Variants in CDK2 observed in about 807,000 individuals in gnomAD.
The protein encoded by CDK2 is cyclin-dependent kinase 2.
In CDK2, 8 loss-of-function variants were observed where a neutral mutation model predicts 35.0. The observed-to-expected ratio is 0.23, with a 90% CI of 0.13 to 0.41. The LOEUF (loss-of-function observed/expected upper bound fraction) is 0.41. Among genes scored for constraint, CDK2 ranks in the 10% least tolerant of loss-of-function variants. The pLI is 1.00. For missense variants in CDK2, 201 were observed against 367.1 expected, an observed-to-expected ratio of 0.55 and a Z score of 3.70; for synonymous variants, 134 against 137.7, an observed-to-expected ratio of 0.97 and a Z score of 0.19.
Position 55,972,783 on chromosome 12 carries a change from T to G in CDK2, c.*1158T>G. ...CATTAAAAAAATGTGCCTAGTTTTA[T>G]AGTTCATCTCTTTCCTCCTCTTATT... On this transcript the variant is annotated 3_prime_UTR_variant, in exon 7 of 7. Coordinates refer to ENST00000266970, the MANE Select transcript of CDK2 (RefSeq NM_001798.5). 1 of 152,126 alleles carries G rather than the reference T, an allele frequency of 6.6e-6. No individual in the cohort carries two copies. 9.4% of individuals were successfully genotyped at this position (152,126 alleles called of 1,614,324 possible). A position where few individuals can be genotyped will look rare whatever the true frequency, so the allele number is the denominator to read the frequency against.
chr12:55,970,267 C>T (rs1179650479), intron 5 of CDK2, among the ~76,000 whole-genome samples: 8 of 117,538 alleles, frequency 6.8e-5, no homozygotes, highest in Admixed American at 3.7e-4. Context: ...CCAGCCTGGG[C>T]GACAGAATGA....
chr12:55,970,511 C>T (rs966618612), intron 5 of CDK2: 10 of 653,924 alleles, frequency 1.5e-5, no homozygotes, highest in African/African-American at 8.9e-5. Context: ...TTAGCCTATA[C>T]ATATGTAATG....
chr12:55,972,497 T>C lies in CDK2; in HGVS notation c.*872T>C, dbSNP rs1331154584. 1 of 152,098 alleles carries C rather than the reference T, an allele frequency of 6.6e-6. No individual in the cohort carries two copies. Among genetic ancestry groups the C allele is most frequent in the Non-Finnish European group, 1.5e-5 (1 of 68,036 alleles). 9.4% of individuals were successfully genotyped at this position (152,098 alleles called of 1,614,324 possible). ...TGCTGACACTTTTTCAGGGCTGTGA[T>C]TGAGTGAGGGCATGGGTAAAAATAT... On this transcript the variant is annotated 3_prime_UTR_variant, in exon 7 of 7. Transcript: ENST00000266970.
At chr12:55,967,432 T>C in intron 1 of CDK2, 1 of 452,874 alleles carries the variant, frequency 2.2e-6, no homozygotes, top group South Asian at 2.8e-5. Flanking sequence ...AGACTCTCCA[T>C]GGAGTGGAGT....
intron 5 of CDK2, among the ~76,000 whole-genome samples, chr12:55,970,355 A>G (rs1336533386): frequency 6.7e-6 from 1 of 149,998 alleles, no homozygotes; most frequent in Non-Finnish European, 1.5e-5. Flanking sequence ...CTGGCTTTTC[A>G]GACTGAAGGA....
In CDK2 at chr12:55,970,760, C is replaced by T. The variant is rs3213124; in HGVS notation, c.589-284C>T. 0.012 allele frequency: 8,350 copies of T among 700,450 alleles called. 470 individuals are homozygous for T. The African/African-American group carries it at 0.13, about 11-fold the overall frequency. 43.4% of individuals were successfully genotyped at this position (700,450 alleles called of 1,614,324 possible). ...CTACCCCGTGAGTGGCTTGGGATAC[C>T]TTTGCTACATGTCAGTGGCACCCCA... On this transcript the variant is annotated intron_variant, in intron 5 of 6. Transcript: ENST00000266970.
rs369035336 is a variant in CDK2, at chr12:55,969,510, C to A, written c.522C>A (p.Leu174=). Residue 174 remains leucine, a synonymous_variant, in exon 5 of 7, where the codon CTC becomes CTA. Coordinates refer to ENST00000266970, the MANE Select transcript of CDK2 (RefSeq NM_001798.5). The stretch of plus-strand genomic sequence containing the variant: ...TGTGGTACCGAGCTCCTGAAATCCT[C>A]CTGGGCTGCAAATATTATTCCACAG... The part of the protein sequence containing the change: ...VTLWYRAPEI[L]LGCKYYSTAV... 1 of 1,611,100 alleles carries A rather than the reference C, an allele frequency of 6.2e-7. No homozygotes were observed. Among genetic ancestry groups the A allele is most frequent in the African/African-American group, 1.3e-5 (1 of 74,754 alleles).
intron 3 of CDK2, 21 bp downstream of exon 3, chr12:55,968,190 C>T: frequency 1.9e-6 from 3 of 1,613,476 alleles, no homozygotes; most frequent in Non-Finnish European, 2.5e-6. Flanking sequence ...TCATCAGCTC[C>T]TCTCATCATG....
At chr12:55,968,292 C>A in intron 3 of CDK2, 123 bp downstream of exon 3, 1 of 921,400 alleles carries the variant, frequency 1.1e-6, no homozygotes, top group Non-Finnish European at 1.7e-6. Context: ...TACACACACA[C>A]TCCCCTTCTT....
Position 55,968,179 on chromosome 12 carries a change from C to T in CDK2, c.315+10C>T. Reference sequence around the variant, plus strand: ...TCTTCCCCTCATCAAGGTAATGCTTCTCATCAGCTCCTCTCATCATGGGCA... The same window carrying T: ...TCTTCCCCTCATCAAGGTAATGCTTTTCATCAGCTCCTCTCATCATGGGCA... On this transcript the variant is annotated intron_variant, in intron 3 of 6. Coordinates refer to ENST00000266970, the MANE Select transcript of CDK2 (RefSeq NM_001798.5). 1.2e-6 allele frequency: 2 copies of T among 1,613,736 alleles called. No homozygotes were observed. The highest frequency in any genetic ancestry group is 8.5e-7 in the Non-Finnish European group (1 of 1,179,632).
rs1313453796 is a variant in CDK2, at chr12:55,967,059, T to A, written c.51T>A (p.Val17=). The change falls in exon 1 of 7, where the codon GTT becomes GTA. Residue 17 remains valine (V), a synonymous_variant. Coordinates refer to ENST00000266970, the MANE Select transcript of CDK2 (RefSeq NM_001798.5). The part of the protein sequence containing the change: ...VEKIGEGTYG[V]VYKARNKLTG... ...AGATCGGAGAGGGCACGTACGGAGT[T>A]GTGTACAAAGCCAGAAACAAGTTGA... The A allele has an allele frequency of 9.3e-6, 15 of 1,613,848 alleles. No homozygotes were observed. Among genetic ancestry groups the A allele is most frequent in the Non-Finnish European group, 1.3e-5 (15 of 1,180,002 alleles).
chr12:55,971,046 G>T lies in CDK2; in HGVS notation c.591G>T (p.Val197=). 6.2e-7 allele frequency: 1 copy of T among 1,613,906 alleles called. No homozygotes were observed. The highest frequency in any genetic ancestry group is 1.1e-5 in the South Asian group (1 of 91,054). Reference sequence around the variant, plus strand: ...ATTTCCTCTTTCCCCATTTTCAGGTGACTCGCCGGGCCCTATTCCCTGGAG... The same window carrying T: ...ATTTCCTCTTTCCCCATTTTCAGGTTACTCGCCGGGCCCTATTCCCTGGAG... The part of the protein sequence containing the change: ...WSLGCIFAEM[V]TRRALFPGDS... Residue 197 remains valine, a splice_region_variant and synonymous_variant, in exon 6 of 7, where the codon GTG becomes GTT. Transcript: ENST00000266970.
Position 55,971,609 on chromosome 12 carries a change from C to A in CDK2, c.881C>A (p.Pro294His). Residue 294 changes from proline (P) to histidine (H), a missense_variant, in exon 7 of 7, where the codon CCC (proline) becomes CAC (histidine). Transcript: ENST00000266970. ...TTCCAGGATGTGACCAAGCCAGTAC[C>A]CCATCTTCGACTCTGATAGCCTTCT... ...PFFQDVTKPVPHLRL is the reference protein window; with the variant it reads ...PFFQDVTKPVHHLRL 1 of 1,613,340 alleles carries A rather than the reference C, an allele frequency of 6.2e-7. No individual in the cohort carries two copies. Among genetic ancestry groups the A allele is most frequent in the Non-Finnish European group, 8.5e-7 (1 of 1,179,250 alleles).
intron 1 of CDK2, chr12:55,967,376 G>A (rs918147949): frequency 3.8e-6 from 2 of 523,690 alleles, no homozygotes; most frequent in African/African-American, 3.8e-5. Context: ...CCAAATGTGC[G>A]ACTACAGACT....
intron 1 of CDK2, chr12:55,967,411 G>A (rs980719649): frequency 2.0e-6 from 1 of 489,530 alleles, no homozygotes; most frequent in Non-Finnish European, 3.7e-6. Context: ...AGGTCTCTGA[G>A]ATGAGGTCCA....
Position 55,971,576 on chromosome 12 carries a change from A to T in CDK2, c.848A>T (p.His283Leu). The part of the protein sequence containing the change: ...KRISAKAALA[H>L]PFFQDVTKPV... ...ATTTCGGCCAAGGCAGCCCTGGCTC[A>T]CCCTTTCTTCCAGGATGTGACCAAG... is the stretch of plus-strand genomic sequence containing the variant. Residue 283 changes from histidine (H) to leucine (L), a missense_variant, in exon 7 of 7, where the codon CAC (histidine) becomes CTC (leucine). This residue lies in a region of CDK2 where 106 missense variants were observed against 141.3 expected (regional missense o/e 0.75). Transcript: ENST00000266970. 1 of 1,614,084 alleles carries T rather than the reference A, an allele frequency of 6.2e-7. No homozygotes were observed. The highest frequency in any genetic ancestry group is 8.5e-7 in the Non-Finnish European group (1 of 1,180,006).
chr12:55,970,542 A>G (rs1414427079), intron 5 of CDK2: 6 of 691,260 alleles, frequency 8.7e-6, no homozygotes, highest in African/African-American at 1.8e-5. Flanking sequence ...CCCCCAGTGC[A>G]TTACCTTACA....
At position 55,966,843 on chromosome 12, in the gene CDK2, G is replaced by A; in HGVS notation, c.-166G>A. ...GGAGGCGGCAACATTGTTTCAAGTTGGCCAAATTGACAAGAGCGAGAGGTA... is the reference window on the plus strand; with the variant it reads ...GGAGGCGGCAACATTGTTTCAAGTTAGCCAAATTGACAAGAGCGAGAGGTA... On this transcript the variant is annotated 5_prime_UTR_variant, in exon 1 of 7. Coordinates refer to ENST00000266970, the MANE Select transcript of CDK2 (RefSeq NM_001798.5). 1 of 864,958 alleles carries A rather than the reference G, an allele frequency of 1.2e-6. No homozygotes were observed. The highest frequency in any genetic ancestry group is 1.9e-5 in the South Asian group (1 of 51,532). 53.6% of individuals were successfully genotyped at this position (864,958 alleles called of 1,614,324 possible).
At chr12:55,967,233 ACTT>A (rs1889346528) in intron 1 of CDK2, 109 bp downstream of exon 1, 1 of 771,756 alleles carries the variant, frequency 1.3e-6, no homozygotes. Context: ...GCAGGGAGGG[ACTT>A]CTTTAGAAGT....
Sources: gnomAD v4.1 joint callset for allele counts (sites outside exome capture counted in the v4.1 genomes callset) on GRCh38, gnomAD v4.1.1 for gene constraint, gnomAD v4.1.1 regional missense constraint, MANE v1.5 for transcripts, NCBI Gene and HGNC (gene_info 2026-07-23, HGNC 2026-07-21) for gene names.